NAALADL2: variants seen among roughly 807,000 people sequenced by gnomAD.
NAALADL2 encodes N-acetylated alpha-linked acidic dipeptidase like 2, also known as inactive N-acetylated-alpha-linked acidic dipeptidase-like protein 2.
In NAALADL2, 76 loss-of-function variants were observed where a neutral mutation model predicts 87.2. That is an observed-to-expected ratio of 0.87 (90% CI 0.72 to 1.05). The LOEUF (loss-of-function observed/expected upper bound fraction) is 1.05, where lower values mean the gene tolerates loss of function less well. Among genes scored for constraint, NAALADL2 ranks in the 50% least tolerant of loss-of-function variants. The probability of loss-of-function intolerance (pLI) is 0.00; values close to 1 mark genes in which losing one functional copy is unlikely to be tolerated. For missense variants in NAALADL2, 1,089 were observed against 945.8 expected, an observed-to-expected ratio of 1.15 and a Z score of -1.99; for synonymous variants, 354 against 331.0, an observed-to-expected ratio of 1.07 and a Z score of -0.75.
chr3:175,666,530 A>C (rs1204959488), intron 11 of NAALADL2, among the ~76,000 whole-genome samples: 3 of 152,202 alleles, frequency 2.0e-5, no homozygotes, highest in Non-Finnish European at 4.4e-5. Context: ...AATCGTGTGC[A>C]TATCCAGGCA....
intron 5 of NAALADL2, among the ~76,000 whole-genome samples, chr3:175,439,041 G>T (rs1719236654): frequency 1.3e-5 from 2 of 152,046 alleles, no homozygotes; most frequent in African/African-American, 4.8e-5. Flanking sequence ...TCCGCTGTAT[G>T]ATCCTTATGC....
At chr3:174,969,527 A>T (rs1743323430) in intron 1 of NAALADL2, among the ~76,000 whole-genome samples, 1 of 152,256 alleles carries the variant, frequency 6.6e-6, no homozygotes, top group Non-Finnish European at 1.5e-5. Context: ...GCTATGGACA[A>T]GCCTGGGGAA....
At chr3:174,489,691 A>G (rs1053673050) in intron 1 of NAALADL2, among the ~76,000 whole-genome samples, 13 of 152,120 alleles carry the variant, frequency 8.5e-5, no homozygotes, top group Admixed American at 3.3e-4. Flanking sequence ...GAAGAAGAAG[A>G]CATGCATATG....
At chr3:174,837,706 A>ATTGC (rs1280643843) in intron 3 of NAALADL2, among the ~76,000 whole-genome samples, 2 of 152,214 alleles carry the variant, frequency 1.3e-5, no homozygotes, top group East Asian at 3.9e-4. Flanking sequence ...AGGCAGGAGA[A>ATTGC]TTGCTTGAAC....
chr3:174,743,836 CTCA>C (rs1429711056), intron 3 of NAALADL2, among the ~76,000 whole-genome samples: 1 of 151,718 alleles, frequency 6.6e-6, no homozygotes, highest in Non-Finnish European at 1.5e-5. Flanking sequence ...AATTTAGAAT[CTCA>C]TCATGTGCTT....
At chr3:175,503,134 C>A (rs1044567690) in intron 9 of NAALADL2, among the ~76,000 whole-genome samples, 4 of 152,002 alleles carry the variant, frequency 2.6e-5, no homozygotes, top group Non-Finnish European at 5.9e-5. Context: ...TCTGTTTGTT[C>A]ATATGTACTT....
At chr3:174,663,932 C>T (rs994089201) in intron 2 of NAALADL2, among the ~76,000 whole-genome samples, 126 of 152,040 alleles carry the variant, frequency 8.3e-4, no homozygotes, top group African/African-American at 2.9e-3. Context: ...GGATTACAGG[C>T]ATGTGCCACC....
At chr3:174,855,877 C>T (rs1725797353), upstream of NAALADL2, among the ~76,000 whole-genome samples, 2 of 134,042 alleles carry the variant, frequency 1.5e-5, no homozygotes, top group South Asian at 4.5e-4. Context: ...TGTATATATA[C>T]ATACATATGA....
intron 13 of NAALADL2, among the ~76,000 whole-genome samples, chr3:175,790,087 CTAACT>C (rs1331153563): frequency 6.6e-6 from 1 of 152,066 alleles, no homozygotes; most frequent in Non-Finnish European, 1.5e-5. Flanking sequence ...CTAGGATTGG[CTAACT>C]TAATTACCAA....
chr3:175,548,503 C>A (rs1003255969), intron 9 of NAALADL2, among the ~76,000 whole-genome samples: 2 of 151,938 alleles, frequency 1.3e-5, no homozygotes, highest in African/African-American at 4.8e-5. Flanking sequence ...ACCACCATGA[C>A]ACAAGTTTAC....
chr3:175,563,104 T>C (rs1332126439), intron 9 of NAALADL2, among the ~76,000 whole-genome samples: 2 of 152,130 alleles, frequency 1.3e-5, no homozygotes, highest in African/African-American at 4.8e-5. Context: ...TCTTTAGTCT[T>C]CTAATATTAT....
At chr3:174,986,175 T>G (rs552032208) in intron 1 of NAALADL2, among the ~76,000 whole-genome samples, 1 of 151,032 alleles carries the variant, frequency 6.6e-6, no homozygotes, top group Admixed American at 6.6e-5. Flanking sequence ...TACAAATTTC[T>G]GATTACATGT....
At chr3:174,592,720 T>A (rs1014002828) in intron 2 of NAALADL2, among the ~76,000 whole-genome samples, 5 of 152,122 alleles carry the variant, frequency 3.3e-5, no homozygotes, top group Middle Eastern at 3.2e-3. Flanking sequence ...AAATTCTTGT[T>A]TCCATTATTA....
intron 9 of NAALADL2, among the ~76,000 whole-genome samples, chr3:175,505,213 T>A (rs921106317): frequency 1.7e-4 from 26 of 150,938 alleles, no homozygotes; most frequent in African/African-American, 6.4e-4. Context: ...TGCAGTGAGC[T>A]ATGATCCTGC....
intron 11 of NAALADL2, chr3:175,676,769 A>G (rs968124519): frequency 3.3e-5 from 5 of 152,134 alleles, no homozygotes; most frequent in African/African-American, 7.2e-5. Flanking sequence ...ATCAAGGTAC[A>G]TCAAAACCTA....
intron 9 of NAALADL2, among the ~76,000 whole-genome samples, chr3:175,552,912 A>T (rs1331247564): frequency 6.6e-6 from 1 of 152,088 alleles, no homozygotes; most frequent in East Asian, 1.9e-4. Context: ...ATTTTAAGAG[A>T]TACTTCTGGT....
intron 5 of NAALADL2, among the ~76,000 whole-genome samples, chr3:175,367,945 G>A (rs1765866860): frequency 1.3e-5 from 2 of 152,200 alleles, no homozygotes; most frequent in African/African-American, 4.8e-5. Context: ...GTTTTCAAAG[G>A]GAATGCTTCC....
chr3:175,598,080 CA>C (rs1428738759), intron 10 of NAALADL2, among the ~76,000 whole-genome samples: 1 of 151,894 alleles, frequency 6.6e-6, no homozygotes, highest in African/African-American at 2.4e-5. Flanking sequence ...AGGGGCATAG[CA>C]AAACAGATAA....
At chr3:174,459,702 G>C (rs1395694143) in intron 1 of NAALADL2, 1 of 152,106 alleles carries the variant, frequency 6.6e-6, no homozygotes, top group Non-Finnish European at 1.5e-5. Context: ...TTCTTCACTT[G>C]GTTGCAGTCT....
Sources: allele counts gnomAD v4.1 joint callset (sites outside exome capture counted in the v4.1 genomes callset), GRCh38; gene constraint gnomAD v4.1.1; transcripts MANE v1.5; gene names NCBI Gene and HGNC (gene_info 2026-07-23, HGNC 2026-07-21).